The following DDX19B variants were observed in gnomAD, a reference collection of about 807,000 sequenced individuals.
DDX19B encodes the protein DEAD-box helicase 19B.
Under a neutral mutation model 58.1 loss-of-function variants are expected in DDX19B, and 27 were observed. The observed-to-expected ratio is 0.46, with a 90% CI of 0.34 to 0.64. The LOEUF is 0.64. Ranked by LOEUF, DDX19B falls within the 30% of genes least tolerant of loss-of-function variation. DDX19B has a pLI of 0.01. For synonymous variants in DDX19B, 187 were observed against 214.4 expected (o/e 0.87, Z 1.12); for missense variants, 399 against 596.5 (o/e 0.67, Z 3.45).
intron 4 of DDX19B, 81 bp from the exon 5 acceptor site, chr16:70,317,415 A>G (rs1962491279): frequency 8.9e-7 from 1 of 1,120,702 alleles, no homozygotes; most frequent in Non-Finnish European, 1.3e-6. Flanking sequence ...TGTAAACAGT[A>G]AAAGAGAAAA....
At chr16:70,294,738 C>G, upstream of DDX19B, 1 of 904,694 alleles carries the variant, frequency 1.1e-6, no homozygotes, top group Non-Finnish European at 1.6e-6. Context: ...TGTACCGTCC[C>G]CTCAGCTGAT....
chr16:70,309,129 T>A (rs1170729525), intron 1 of DDX19B, among the ~76,000 whole-genome samples: 1 of 152,214 alleles, frequency 6.6e-6, no homozygotes, highest in East Asian at 1.9e-4. Context: ...CTCTTTAATG[T>A]GTTCCCTTTC....
Position 70,309,352 on chromosome 16 carries a change from G to A in DDX19B, c.58-3257G>A, listed in dbSNP as rs555425592. Reference sequence around the variant, plus strand: ...CTACTAAAAATATAAAAAGTTAGTCGGGCATGGTGGCAGGCGCCTGTAGTC... The same window carrying A: ...CTACTAAAAATATAAAAAGTTAGTCAGGCATGGTGGCAGGCGCCTGTAGTC... On this transcript the variant is annotated intron_variant, in intron 1 of 11. Coordinates refer to ENST00000288071, the MANE Select transcript of DDX19B (RefSeq NM_007242.7). Among the ~76,000 whole-genome samples, 123 of 149,538 alleles carry A rather than the reference G, an allele frequency of 8.2e-4. 2 individuals carry two copies. In the South Asian group the frequency reaches 0.024, roughly 30 times the overall value.
Position 70,300,722 on chromosome 16 carries a change from G to A in DDX19B, c.57+1368G>A, listed in dbSNP as rs184108929. Among the ~76,000 whole-genome samples the A allele has an allele frequency of 4.0e-5, 6 of 151,708 alleles. No homozygotes were observed. The East Asian group carries it at 1.2e-3, about 30-fold the overall frequency. ...CTTTTTAATTTTTTGTGAAGACGAG[G>A]TCTCACTATATTACCCAGGTTGGTC... On this transcript the variant is annotated intron_variant, in intron 1 of 11. Transcript: ENST00000288071.
At chr16:70,326,195 C>T (rs1435734943) in intron 7 of DDX19B, among the ~76,000 whole-genome samples, 2 of 152,148 alleles carry the variant, frequency 1.3e-5, no homozygotes, top group African/African-American at 4.8e-5. Flanking sequence ...ACATTCTGGC[C>T]GGGCGCGGTG....
intron 1 of DDX19B, among the ~76,000 whole-genome samples, 188 bp downstream of exon 1, chr16:70,299,542 G>T (rs1368417631): frequency 6.6e-6 from 1 of 152,150 alleles, no homozygotes; most frequent in East Asian, 1.9e-4. Flanking sequence ...GCAGGTGAGT[G>T]CTCCTATCGG....
intron 5 of DDX19B, among the ~76,000 whole-genome samples, chr16:70,323,886 T>G (rs1345391980): frequency 1.3e-5 from 2 of 152,064 alleles, no homozygotes; most frequent in Non-Finnish European, 2.9e-5. Flanking sequence ...TCTCCTGAAG[T>G]AGATATCTGG....
chr16:70,296,025 G>A (rs903859078), upstream of DDX19B, among the ~76,000 whole-genome samples: 9 of 133,684 alleles, frequency 6.7e-5, no homozygotes, highest in Admixed American at 5.4e-4. Flanking sequence ...TTTTTTTTGA[G>A]ACAGAGGCTC....
upstream of DDX19B, chr16:70,289,890 G>A (rs1181715491): frequency 2.7e-6 from 1 of 376,002 alleles, no homozygotes; most frequent in Non-Finnish European, 5.3e-6. Context: ...TGCTATAGTT[G>A]TTTATTTTAG....
intron 6 of DDX19B, 71 bp from the exon 7 acceptor site, chr16:70,325,503 T>A (rs529138715): frequency 2.0e-6 from 2 of 998,982 alleles, no homozygotes; most frequent in South Asian, 1.3e-5. Flanking sequence ...AGTGGCTAAG[T>A]ACTAATGGTA....
chr16:70,310,890 G>C (rs1372924460), intron 1 of DDX19B, among the ~76,000 whole-genome samples: 3 of 151,396 alleles, frequency 2.0e-5, no homozygotes, highest in African/African-American at 7.3e-5. Flanking sequence ...AATTAGCTGG[G>C]GGTGGTAGCG....
At chr16:70,293,846 C>T (rs1018017548), upstream of DDX19B, among the ~76,000 whole-genome samples, 1 of 150,482 alleles carries the variant, frequency 6.6e-6, no homozygotes, top group African/African-American at 2.4e-5. Flanking sequence ...CTCCTGACCT[C>T]ATGATCCACC....
chr16:70,318,161 T>G (rs1012266068), intron 5 of DDX19B, among the ~76,000 whole-genome samples: 1 of 148,684 alleles, frequency 6.7e-6, no homozygotes, highest in African/African-American at 2.5e-5. Context: ...TCTCTTGAGG[T>G]CAAGTGTTCG....
intron 4 of DDX19B, 90 bp downstream of exon 4, chr16:70,316,194 C>T (rs1962393521): frequency 2.7e-6 from 4 of 1,465,536 alleles, no homozygotes; most frequent in Non-Finnish European, 3.7e-6. Flanking sequence ...CACAACAGAG[C>T]AGTTTTAGCT....
At chr16:70,297,248 C>T (rs186575907), upstream of DDX19B, among the ~76,000 whole-genome samples, 501 of 147,818 alleles carry the variant, frequency 3.4e-3, 2 homozygotes, top group Non-Finnish European at 5.3e-3. Flanking sequence ...GAGTTTCACT[C>T]GTCGCCCAGG....
At chr16:70,315,288 G>A (rs1477673462) in intron 3 of DDX19B, among the ~76,000 whole-genome samples, 1 of 151,068 alleles carries the variant, frequency 6.6e-6, no homozygotes, top group African/African-American at 2.4e-5. Flanking sequence ...TTGGGATGCT[G>A]AGGCAGAAGA....
chr16:70,330,218 T>C (rs997207815), intron 9 of DDX19B, 150 bp downstream of exon 9: 1 of 847,594 alleles, frequency 1.2e-6, no homozygotes, highest in Non-Finnish European at 1.9e-6. Flanking sequence ...AGGGAGACTT[T>C]GATTCCACTT....
chr16:70,316,212 T>A, intron 4 of DDX19B, 108 bp downstream of exon 4: 1 of 597,186 alleles, frequency 1.7e-6, no homozygotes, highest in Non-Finnish European at 2.2e-6. Context: ...GCTAACCAAG[T>A]TTTTTTTTTT....
At chr16:70,329,763 T>C in intron 8 of DDX19B, 68 bp from the exon 9 acceptor site, 1 of 1,597,514 alleles carries the variant, frequency 6.3e-7, no homozygotes, top group South Asian at 1.1e-5. Context: ...CCCTCCCAGC[T>C]GGGAAGGCTG....
Sources: gnomAD v4.1 joint callset for allele counts (sites outside exome capture counted in the v4.1 genomes callset) on GRCh38, gnomAD v4.1.1 for gene constraint, MANE v1.5 for transcripts, NCBI Gene and HGNC (gene_info 2026-07-23, HGNC 2026-07-21) for gene names.